Variants in SGCZ observed in about 807,000 individuals in gnomAD.
SGCZ encodes sarcoglycan zeta.
In SGCZ, 40 loss-of-function variants were observed where a neutral mutation model predicts 41.3. That is an observed-to-expected ratio of 0.97 (90% CI 0.75 to 1.26). The LOEUF (loss-of-function observed/expected upper bound fraction) is 1.26. Ranked by LOEUF, SGCZ falls within the 50% of genes most tolerant of loss-of-function variation. The probability of loss-of-function intolerance (pLI) is 0.00; values close to 1 mark genes in which losing one functional copy is unlikely to be tolerated. For synonymous variants in SGCZ, 206 were observed against 137.5 expected, an observed-to-expected ratio of 1.50 and a Z score of -3.49; for missense variants, 552 against 369.8, an observed-to-expected ratio of 1.49 and a Z score of -4.04.
At chr8:14,174,935 A>G (rs1438871129) in intron 4 of SGCZ, among the ~76,000 whole-genome samples, 1 of 152,068 alleles carries the variant, frequency 6.6e-6, no homozygotes, top group Non-Finnish European at 1.5e-5. Context: ...TGTGTGTCCA[A>G]ATTTCCTGAT....
At chr8:14,966,819 A>G in intron 1 of SGCZ, among the ~76,000 whole-genome samples, 1 of 152,192 alleles carries the variant, frequency 6.6e-6, no homozygotes. Flanking sequence ...ATATTTCAAT[A>G]GAATATTTGA....
chr8:14,369,596 C>T (rs73664327), intron 2 of SGCZ, among the ~76,000 whole-genome samples: 42 of 151,864 alleles, frequency 2.8e-4, no homozygotes, highest in Non-Finnish European at 5.3e-4. Flanking sequence ...ATGGAAAAGT[C>T]GTTTGGGAAT....
intron 1 of SGCZ, chr8:14,853,466 G>A (rs773892922): frequency 1.9e-6 from 1 of 532,968 alleles, no homozygotes; most frequent in South Asian, 1.4e-5. Context: ...TGCTGTGGCT[G>A]ATTAATATCC....
intron 4 of SGCZ, among the ~76,000 whole-genome samples, chr8:14,229,221 C>A (rs1207599019): frequency 6.6e-6 from 1 of 152,060 alleles, no homozygotes; most frequent in Non-Finnish European, 1.5e-5. Context: ...TTGTAGGACA[C>A]AAACAATGAG....
intron 4 of SGCZ, among the ~76,000 whole-genome samples, chr8:14,212,195 C>A (rs1805831577): frequency 6.6e-6 from 1 of 152,046 alleles, no homozygotes; most frequent in African/African-American, 2.4e-5. Context: ...CACCAAGAAG[C>A]AGAAGGTGAC....
At chr8:14,309,357 G>A in intron 3 of SGCZ, 3 of 1,604,190 alleles carry the variant, frequency 1.9e-6, no homozygotes, top group Non-Finnish European at 2.6e-6. Flanking sequence ...GGAGGACGAT[G>A]GCTAATTACA....
chr8:14,113,967 T>C (rs1295503441), intron 5 of SGCZ, among the ~76,000 whole-genome samples: 1 of 152,082 alleles, frequency 6.6e-6, no homozygotes, highest in African/African-American at 2.4e-5. Context: ...AATTATAGTA[T>C]CTGTGAAACA....
chr8:14,146,111 T>G (rs1803512942), intron 5 of SGCZ, among the ~76,000 whole-genome samples: 1 of 152,052 alleles, frequency 6.6e-6, no homozygotes, highest in South Asian at 2.1e-4. Flanking sequence ...ACCAAGCAGA[T>G]TCAACCCAAA....
intron 2 of SGCZ, among the ~76,000 whole-genome samples, chr8:14,503,604 C>T (rs1426875095): frequency 1.3e-5 from 2 of 151,970 alleles, no homozygotes; most frequent in Non-Finnish European, 2.9e-5. Flanking sequence ...CCAATCTCTA[C>T]TGAAAATACA....
At chr8:14,863,252 C>T (rs1803814406) in intron 1 of SGCZ, among the ~76,000 whole-genome samples, 3 of 152,132 alleles carry the variant, frequency 2.0e-5, no homozygotes, top group African/African-American at 7.2e-5. Flanking sequence ...ATATGAGCCT[C>T]ATCTGCAAGC....
At chr8:15,165,077 G>A (rs547912841) in intron 1 of SGCZ, among the ~76,000 whole-genome samples, 61 of 152,198 alleles carry the variant, frequency 4.0e-4, no homozygotes, top group African/African-American at 1.3e-3. Flanking sequence ...AGATCACGAG[G>A]TCAGGAGTTC....
chr8:14,592,521 C>A (rs1464098807), intron 1 of SGCZ, among the ~76,000 whole-genome samples: 7 of 151,512 alleles, frequency 4.6e-5, no homozygotes, highest in Admixed American at 4.6e-4. Context: ...AATTTTTTTT[C>A]ATCAGCCTTG....
At chr8:15,074,232 C>A (rs1805452879) in intron 1 of SGCZ, among the ~76,000 whole-genome samples, 2 of 152,138 alleles carry the variant, frequency 1.3e-5, no homozygotes, top group African/African-American at 4.8e-5. Flanking sequence ...CTTCTACTAA[C>A]TTAAGATGAT....
chr8:15,133,995 A>G (rs1808013739), intron 1 of SGCZ, among the ~76,000 whole-genome samples: 1 of 152,236 alleles, frequency 6.6e-6, no homozygotes. Flanking sequence ...ATTAATATTA[A>G]CTCTATTAAT....
chr8:14,231,469 G>T (rs1806569691), intron 4 of SGCZ, among the ~76,000 whole-genome samples: 1 of 151,962 alleles, frequency 6.6e-6, no homozygotes, highest in Non-Finnish European at 1.5e-5. Flanking sequence ...CACCTCAATT[G>T]ACCAATGGCA....
rs191845098 is a variant in SGCZ, at chr8:15,095,891, G to T, written c.39+141694C>A. On this transcript the variant is annotated intron_variant, in intron 1 of 7. Coordinates refer to ENST00000382080, the MANE Select transcript of SGCZ (RefSeq NM_139167.4). ...GTTCCACTCCTTCCTAAATCAGGCT[G>T]ATTTTCAACAAGGATCAAGCCTTTT... is the stretch of plus-strand genomic sequence containing the variant. 1.5e-3 allele frequency among the ~76,000 whole-genome samples: 232 copies of T among 152,188 alleles called. 1 individual carries two copies. The highest frequency in any genetic ancestry group is 1.2e-3 in the Non-Finnish European group (84 of 68,012).
intron 1 of SGCZ, among the ~76,000 whole-genome samples, chr8:15,007,744 T>G (rs566577031): frequency 6.6e-4 from 101 of 152,326 alleles, no homozygotes; most frequent in African/African-American, 2.2e-3. Context: ...TCATCAGGCT[T>G]AAGTATCACA....
At chr8:14,688,884 G>A (rs980831327) in intron 1 of SGCZ, among the ~76,000 whole-genome samples, 1 of 151,952 alleles carries the variant, frequency 6.6e-6, no homozygotes, top group African/African-American at 2.4e-5. Context: ...AGCCCAAAAT[G>A]TCCTTAAGCT....
intron 1 of SGCZ, among the ~76,000 whole-genome samples, chr8:14,864,856 T>C (rs772280892): frequency 1.3e-5 from 2 of 152,124 alleles, no homozygotes; most frequent in South Asian, 2.1e-4. Context: ...CTTTTTCATA[T>C]AGCTATTCTA....
Sources: gnomAD v4.1 joint callset for allele counts (sites outside exome capture counted in the v4.1 genomes callset) on GRCh38, gnomAD v4.1.1 for gene constraint, MANE v1.5 for transcripts, NCBI Gene and HGNC (gene_info 2026-07-23, HGNC 2026-07-21) for gene names.